The following FAAH variants were observed in gnomAD, a reference collection of about 807,000 sequenced individuals.
FAAH encodes the protein fatty-acid amide hydrolase 1.
A neutral mutation model predicts 69.7 loss-of-function variants in FAAH; 63 were observed. The observed-to-expected ratio is 0.90, with a 90% confidence interval of 0.74 to 1.12. The LOEUF is 1.12. FAAH is among the 50% of genes most tolerant of loss of function. FAAH has a pLI of 0.00. For synonymous variants in FAAH, 305 were observed against 324.2 expected, an observed-to-expected ratio of 0.94 and a Z score of 0.64; for missense variants, 680 against 755.0, an observed-to-expected ratio of 0.90 and a Z score of 1.16.
chr1:46,410,549 C>A lies in FAAH; in HGVS notation c.1275+52C>A. 1 of 1,520,094 alleles carries A rather than the reference C, an allele frequency of 6.6e-7. No homozygotes were observed. Among genetic ancestry groups the A allele is most frequent in the Non-Finnish European group, 9.1e-7 (1 of 1,096,936 alleles). The allele number at this position is 1,520,094 out of a possible 1,614,324, so 94.2% of individuals were successfully genotyped here. A position where few individuals can be genotyped will look rare whatever the true frequency, so the allele number is the denominator to read the frequency against. ...AGGATGGCTGGGGGGGAACCTAGGG[C>A]CTCCTATCGCATGATCCCCCATGGC... On this transcript the variant is annotated intron_variant, in intron 10 of 14. Transcript: ENST00000243167. This position sits in a 1 kb window ranked among gnomAD's most constrained non-coding sequence, Gnocchi z 4.9.
chr1:46,413,672 A>G lies in FAAH; in HGVS notation c.*97A>G. 10 of 1,575,630 alleles carry G rather than the reference A, an allele frequency of 6.3e-6. No individual in the cohort carries two copies. The highest frequency in any genetic ancestry group is 8.7e-6 in the Non-Finnish European group (10 of 1,151,260). On this transcript the variant is annotated 3_prime_UTR_variant, in exon 15 of 15. Coordinates refer to ENST00000243167, the MANE Select transcript of FAAH (RefSeq NM_001441.3). Reference sequence around the variant, plus strand: ...CTGCCACAGCAAGGAAATGTCCTGCATGGGGCAGAGGCTTCCGTGTCCTCT... The same window carrying G: ...CTGCCACAGCAAGGAAATGTCCTGCGTGGGGCAGAGGCTTCCGTGTCCTCT...
intron 9 of FAAH, chr1:46,409,437 C>T (rs1569822106): frequency 1.9e-6 from 1 of 520,250 alleles, no homozygotes; most frequent in Non-Finnish European, 3.6e-6. Flanking sequence ...CTGATCTGAG[C>T]TTGTTGTGAG....
Position 46,412,201 on chromosome 1 carries a change from C to A in FAAH, c.1415C>A (p.Thr472Asn), listed in dbSNP as rs1179809140. Residue 472 changes from threonine to asparagine, a missense_variant, in exon 13 of 15, where the codon ACC (threonine) becomes AAC (asparagine). Physicochemically the swap from Thr to Asn is moderately conservative, Grantham distance 65. Coordinates refer to ENST00000243167, the MANE Select transcript of FAAH (RefSeq NM_001441.3). ...WRALDLDVVL[T>N]PMLAPALDLN... is the part of the protein sequence containing the mutation. ...GCGCTGGACCTGGATGTGGTGCTGA[C>A]CCCCATGCTGGCCCCTGCTCTGGAC... 2.6e-6 allele frequency: 4 copies of A among 1,563,534 alleles called. No individual in the cohort carries two copies. The highest frequency in any genetic ancestry group is 1.7e-4 in the Middle Eastern group (1 of 6,004).
At chr1:46,408,915 G>T (rs1353989308) in intron 8 of FAAH, among the ~76,000 whole-genome samples, 186 bp from the exon 9 acceptor site, 1 of 152,204 alleles carries the variant, frequency 6.6e-6, no homozygotes, top group Non-Finnish European at 1.5e-5. Context: ...TGTGGCTCCA[G>T]ACTTCTCTCA....
At chr1:46,408,116 G>A (rs913574716) in intron 7 of FAAH, among the ~76,000 whole-genome samples, 2 of 152,178 alleles carry the variant, frequency 1.3e-5, no homozygotes, top group Non-Finnish European at 2.9e-5. Flanking sequence ...GCCAGGACAG[G>A]TGGTGGAGAG....
chr1:46,396,312 G>A (rs766371725), intron 1 of FAAH, among the ~76,000 whole-genome samples: 1 of 152,180 alleles, frequency 6.6e-6, no homozygotes, highest in Admixed American at 6.5e-5. Flanking sequence ...ACGTAGGATC[G>A]GGTTTTACAC....
At chr1:46,408,413 G>A (rs201374876) in intron 7 of FAAH, 46 bp from the exon 8 acceptor site, 1 of 1,613,824 alleles carries the variant, frequency 6.2e-7, no homozygotes, top group South Asian at 1.1e-5. Context: ...CCTGCCTAGG[G>A]TTGTCTTCTC....
chr1:46,395,746 G>A (rs1357523209), intron 1 of FAAH, among the ~76,000 whole-genome samples: 7 of 152,220 alleles, frequency 4.6e-5, no homozygotes, highest in Admixed American at 2.0e-4. Context: ...TTGGGGCAGA[G>A]CTGGAACTAG....
chr1:46,411,119 G>A lies in FAAH; in HGVS notation c.1316+265G>A, dbSNP rs1471989233. On this transcript the variant is annotated intron_variant, in intron 11 of 14. Coordinates refer to ENST00000243167, the MANE Select transcript of FAAH (RefSeq NM_001441.3). The surrounding 1 kb of genome is among the most constrained non-coding windows in gnomAD (Gnocchi z 4.8). ...GGAGGTTGACCTGGCTGGGGCATGA[G>A]TGGAAAGGACCAGGAAGTGGGGGTT... Among the ~76,000 whole-genome samples the A allele has an allele frequency of 6.6e-6, 1 of 152,192 alleles. No homozygotes were observed. Among genetic ancestry groups the A allele is most frequent in the African/African-American group, 2.4e-5 (1 of 41,456 alleles).
chr1:46,405,664 G>A lies in FAAH; in HGVS notation c.655G>A (p.Gly219Arg), dbSNP rs199535384. ...CTCCAAAAGCCCAGGGGGCTCCTCA[G>A]GGGGTGAAGGGGCCCTCATCGGGTC... ...KSSKSPGGSS[G>R]GEGALIGSGG... Residue 219 changes from glycine (G) to arginine (R), a missense_variant, in exon 5 of 15, where the codon GGG becomes AGG. Physicochemically the swap from Gly to Arg is moderately radical, Grantham distance 125. Coordinates refer to ENST00000243167, the MANE Select transcript of FAAH (RefSeq NM_001441.3). This position sits in a 1 kb window ranked among gnomAD's most constrained non-coding sequence, Gnocchi z 4.1. 10 of 1,613,466 alleles carry A rather than the reference G, an allele frequency of 6.2e-6. No homozygotes were observed. Among genetic ancestry groups the A allele is most frequent in the East Asian group, 2.2e-5 (1 of 44,884 alleles).
chr1:46,394,350 TG>T lies in FAAH; in HGVS notation c.4del (p.Val2?). On this transcript the variant is annotated frameshift_variant and start_lost, in exon 1 of 15. Coordinates refer to ENST00000243167, the MANE Select transcript of FAAH (RefSeq NM_001441.3). LOFTEE classifies it high-confidence loss of function. ...AGGCAGCAGCAGGCTGAAGGGATCATGGTGCAGTACGAGCTGTGGGCCGCGC... is the reference window on the plus strand; with the variant it reads ...AGGCAGCAGCAGGCTGAAGGGATCATGTGCAGTACGAGCTGTGGGCCGCGC... [M>X]VQYELWAALP... The T allele has an allele frequency of 6.4e-7, 1 of 1,562,200 alleles. No homozygotes were observed.
Position 46,406,317 on chromosome 1 carries a change from G to A in FAAH, c.900G>A (p.Glu300=), listed in dbSNP as rs777709050. The A allele has an allele frequency of 1.9e-6, 3 of 1,613,860 alleles. No homozygotes were observed. The highest frequency in any genetic ancestry group is 3.3e-5 in the Admixed American group (2 of 60,014). Residue 300 remains glutamate (E), a synonymous_variant, in exon 7 of 15, where the codon GAG becomes GAA. Coordinates refer to ENST00000243167, the MANE Select transcript of FAAH (RefSeq NM_001441.3). The part of the protein sequence containing the change: ...LALCLRALLC[E]DMFRLDPTVP... ...TGTGCCTGCGAGCCCTGCTGTGTGAGGACATGTTCCGCTTGGACCCCACTG... is the reference window on the plus strand; with the variant it reads ...TGTGCCTGCGAGCCCTGCTGTGTGAAGACATGTTCCGCTTGGACCCCACTG...
intron 1 of FAAH, among the ~76,000 whole-genome samples, chr1:46,396,608 TG>T (rs11288511): frequency 0.22 from 34,087 of 152,110 alleles, 4,285 homozygotes; most frequent in Non-Finnish European, 0.29. Context: ...GATGACTTTT[TG>T]CCAAGCATAC....
rs190516579 is a variant in FAAH at position 46,411,731 on chromosome 1, G to A, written c.1356+80G>A. 7.8e-4 allele frequency: 1,166 copies of A among 1,502,756 alleles called. No homozygotes were observed. The highest frequency in any genetic ancestry group is 9.9e-4 in the Non-Finnish European group (1,081 of 1,088,964). 93.1% of individuals were successfully genotyped at this position (1,502,756 alleles called of 1,614,324 possible). ...ACAGGGTACCCGCTAGCAGTGTCTC[G>A]TGGCCACTGCCCCCATGGGGCTCCT... On this transcript the variant is annotated intron_variant, in intron 12 of 14. Coordinates refer to ENST00000243167, the MANE Select transcript of FAAH (RefSeq NM_001441.3). The surrounding 1 kb of genome is among the most constrained non-coding windows in gnomAD (Gnocchi z 4.8).
chr1:46,394,560 A>C lies in FAAH; in HGVS notation c.195+17A>C. 7.5e-7 allele frequency: 1 copy of C among 1,342,018 alleles called. No homozygotes were observed. The highest frequency in any genetic ancestry group is 9.5e-7 in the Non-Finnish European group (1 of 1,053,810). The allele number at this position is 1,342,018 out of a possible 1,614,324, so 83.1% of individuals were successfully genotyped here. A position where few individuals can be genotyped will look rare whatever the true frequency, so the allele number is the denominator to read the frequency against. Reference sequence around the variant, plus strand: ...CGGCTCCAGGTGACTGCCGGAGCGTAGTGGGATGGGCGCGGCCTGAGGGTA... The same window carrying C: ...CGGCTCCAGGTGACTGCCGGAGCGTCGTGGGATGGGCGCGGCCTGAGGGTA... On this transcript the variant is annotated intron_variant, in intron 1 of 14. Transcript: ENST00000243167.
chr1:46,412,388 C>A, intron 13 of FAAH, 137 bp downstream of exon 13: 2 of 733,820 alleles, frequency 2.7e-6, no homozygotes, highest in Non-Finnish European at 4.7e-6. Context: ...GGAGACATGG[C>A]AGTCATGTGG....
In FAAH at chr1:46,397,530, G is replaced by T. The variant is rs12044513; in HGVS notation, c.195+2987G>T. Among the ~76,000 whole-genome samples the T allele has an allele frequency of 2.3e-3, 342 of 151,990 alleles. 8 individuals are homozygous for T. The East Asian group carries it at 0.055, about 24-fold the overall frequency. On this transcript the variant is annotated intron_variant, in intron 1 of 14. Transcript: ENST00000243167. ...TTGACAATAGCTTTGTAGGCTTTGCGGGGGAGTAGGATTTTTTTTTGGTTT... is the reference window on the plus strand; with the variant it reads ...TTGACAATAGCTTTGTAGGCTTTGCTGGGGAGTAGGATTTTTTTTTGGTTT...
Position 46,410,526 on chromosome 1 carries a change from G to A in FAAH, c.1275+29G>A, listed in dbSNP as rs962718667. On this transcript the variant is annotated intron_variant, in intron 10 of 14. Transcript: ENST00000243167. The surrounding 1 kb of genome is among the most constrained non-coding windows in gnomAD (Gnocchi z 4.9). The stretch of plus-strand genomic sequence containing the variant: ...AGGGCACAAGGAGTGGAGGGGCTAG[G>A]ATGGCTGGGGGGGAACCTAGGGCCT... 5.0e-6 allele frequency: 8 copies of A among 1,595,952 alleles called. No homozygotes were observed. The African/African-American group carries it at 8.1e-5, about 16-fold the overall frequency.
At chr1:46,401,277 C>T (rs922263280) in intron 1 of FAAH, among the ~76,000 whole-genome samples, 2 of 151,884 alleles carry the variant, frequency 1.3e-5, no homozygotes, top group Admixed American at 1.3e-4. Flanking sequence ...CTCTGTCTCT[C>T]CCCACATCTG....
Sources: gnomAD v4.1 joint callset for allele counts (sites outside exome capture counted in the v4.1 genomes callset) on GRCh38, gnomAD v4.1.1 for gene constraint, Gnocchi (gnomAD v3.1) non-coding constraint, MANE v1.5 for transcripts, NCBI Gene and HGNC (gene_info 2026-07-23, HGNC 2026-07-21) for gene names.